The following VIPR1 variants were observed in gnomAD, a reference collection of about 807,000 sequenced individuals.
VIPR1 encodes the protein vasoactive intestinal peptide receptor 1.
A neutral mutation model predicts 58.8 loss-of-function variants in VIPR1; 59 were observed. The ratio of observed to expected loss-of-function variants is 1.00; its 90% confidence interval spans 0.81 to 1.25. The LOEUF is 1.25. Ranked by LOEUF, VIPR1 falls within the 50% of genes most tolerant of loss-of-function variation. The pLI is 0.00. For missense variants in VIPR1, 626 were observed against 602.7 expected (o/e 1.04, Z -0.40); for synonymous variants, 251 against 242.1 (o/e 1.04, Z -0.34).
intron 10 of VIPR1, chr3:42,534,239 G>A (rs114889205): frequency 0.012 from 1,813 of 152,196 alleles, 42 homozygotes; most frequent in African/African-American, 0.041. Flanking sequence ...GATAGAGGGC[G>A]ATACTGATTA....
upstream of VIPR1, chr3:42,500,071 A>C (rs1336598758): frequency 1.3e-5 from 2 of 152,264 alleles, no homozygotes; most frequent in Admixed American, 1.3e-4. Context: ...CCCCAGGAGA[A>C]CAATTCTGAA....
chr3:42,492,732 A>G (rs921852609), intron 1 of VIPR1, among the ~76,000 whole-genome samples: 3 of 152,226 alleles, frequency 2.0e-5, no homozygotes, highest in African/African-American at 7.2e-5. Flanking sequence ...GGAGAAGGGA[A>G]GGACTTCCCT....
At position 42,537,387 on chromosome 3, in the gene VIPR1, C is replaced by A. The variant is rs1701914389; in HGVS notation, c.*1106C>A. On this transcript the variant is annotated 3_prime_UTR_variant, in exon 13 of 13. Transcript: ENST00000325123. ...CCCTGAATCCCCCTTGCCACCCCAC[C>A]CTCCCTGGAGTGTGGCTGAGGAGGC... The A allele has an allele frequency of 6.6e-6, 1 of 152,222 alleles. No individual in the cohort carries two copies. The highest frequency in any genetic ancestry group is 1.5e-5 in the Non-Finnish European group (1 of 68,044). 9.4% of individuals were successfully genotyped at this position (152,222 alleles called of 1,614,324 possible).
intron 7 of VIPR1, 125 bp from the exon 8 acceptor site, chr3:42,531,346 G>C (rs1701537866): frequency 3.9e-6 from 4 of 1,016,138 alleles, no homozygotes; most frequent in Non-Finnish European, 5.9e-6. Context: ...AAAGACAGCA[G>C]ACTGACAACC....
At chr3:42,490,547 C>T (rs1699647631) in intron 1 of VIPR1, among the ~76,000 whole-genome samples, 1 of 152,176 alleles carries the variant, frequency 6.6e-6, no homozygotes. Flanking sequence ...TGGCACCTGG[C>T]CTGGAAGTCC....
intron 1 of VIPR1, among the ~76,000 whole-genome samples, chr3:42,508,536 T>A (rs1700224998): frequency 1.3e-5 from 2 of 152,320 alleles, no homozygotes; most frequent in Middle Eastern, 3.4e-3. Context: ...GTCACATATG[T>A]GTACACCTGT....
chr3:42,508,360 A>G lies in VIPR1; in HGVS notation c.79-5389A>G, dbSNP rs150915839. ...CCAAGTCATCCAGCCAGGAAGCAGC[A>G]GACAGTCTCATTCTGGAACCTGTGG... On this transcript the variant is annotated intron_variant, in intron 1 of 12. Coordinates refer to ENST00000325123, the MANE Select transcript of VIPR1 (RefSeq NM_004624.4). Among the ~76,000 whole-genome samples, 961 of 152,332 alleles carry G rather than the reference A, an allele frequency of 6.3e-3. 9 individuals carry two copies. Among genetic ancestry groups the G allele is most frequent in the African/African-American group, 0.022 (908 of 41,572 alleles).
At chr3:42,526,335 G>A (rs1252577895) in intron 4 of VIPR1, among the ~76,000 whole-genome samples, 1 of 152,226 alleles carries the variant, frequency 6.6e-6, no homozygotes, top group Non-Finnish European at 1.5e-5. Context: ...ATCCAGAGGG[G>A]AAACCGAGTT....
At chr3:42,515,150 G>A (rs914686055) in intron 2 of VIPR1, among the ~76,000 whole-genome samples, 17 of 152,188 alleles carry the variant, frequency 1.1e-4, no homozygotes, top group African/African-American at 3.6e-4. Context: ...GCATCTTTAC[G>A]TCTTCCTGGC....
At chr3:42,498,566 C>T (rs1197616612), upstream of VIPR1, among the ~76,000 whole-genome samples, 1 of 152,178 alleles carries the variant, frequency 6.6e-6, no homozygotes, top group Non-Finnish European at 1.5e-5. Flanking sequence ...GCTCTAAGCC[C>T]CAGCCTCCAG....
rs1477079526 is a variant in VIPR1, at chr3:42,535,104, G to C, written c.1140G>C (p.Gln380His). The C allele has an allele frequency of 6.2e-7, 1 of 1,614,216 alleles. No individual in the cohort carries two copies. Among genetic ancestry groups the C allele is most frequent in the South Asian group, 1.1e-5 (1 of 91,074 alleles). ...MVFELVVGSF[Q>H]GFVVAILYCF... ...TTGAGCTCGTCGTGGGGTCTTTCCA[G>C]GTATGGGCTGTTGACTTAAGGCTGC... is the stretch of plus-strand genomic sequence containing the variant. Residue 380 changes from glutamine (Q) to histidine (H), a missense_variant and splice_region_variant, in exon 11 of 13, where the codon CAG (glutamine) becomes CAC (histidine). Transcript: ENST00000325123.
Position 42,537,266 on chromosome 3 carries a change from G to T in VIPR1, c.*985G>T, listed in dbSNP as rs1441929692. On this transcript the variant is annotated 3_prime_UTR_variant, in exon 13 of 13. Transcript: ENST00000325123. ...GAACTCAGATCTGTCTGATAGGAAT[G>T]TGAAAGCACGGACTCTTACTGCTAA... The T allele has an allele frequency of 6.6e-6, 1 of 152,236 alleles. No individual in the cohort carries two copies. Among genetic ancestry groups the T allele is most frequent in the Non-Finnish European group, 1.5e-5 (1 of 68,042 alleles). The allele number at this position is 152,236 out of a possible 1,614,324, so 9.4% of individuals were successfully genotyped here.
At chr3:42,527,632 C>A in intron 5 of VIPR1, 136 bp downstream of exon 5, 1 of 805,932 alleles carries the variant, frequency 1.2e-6, no homozygotes, top group South Asian at 1.7e-5. Context: ...CCAGCTCCTG[C>A]CAGGCCAGCT....
chr3:42,503,711 T>C (rs1248426825), intron 1 of VIPR1, among the ~76,000 whole-genome samples: 1 of 152,114 alleles, frequency 6.6e-6, no homozygotes, highest in Non-Finnish European at 1.5e-5. Context: ...ATTTTACAGA[T>C]GGGCAAAGCG....
At position 42,536,307 on chromosome 3, in the gene VIPR1, C is replaced by A; in HGVS notation, c.*26C>A. The A allele has an allele frequency of 2.0e-6, 3 of 1,489,108 alleles. No homozygotes were observed. Among genetic ancestry groups the A allele is most frequent in the African/African-American group, 2.8e-5 (2 of 72,298 alleles). The allele number at this position is 1,489,108 out of a possible 1,614,324, so 92.2% of individuals were successfully genotyped here. A position where few individuals can be genotyped will look rare whatever the true frequency, so the allele number is the denominator to read the frequency against. On this transcript the variant is annotated 3_prime_UTR_variant, in exon 13 of 13. Transcript: ENST00000325123. ...CCACCAGGATCCCAGGGGCCCAAGG[C>A]GGCCCCTCCCGCCCCTTCCCACTCA... is the stretch of plus-strand genomic sequence containing the variant.
rs1364663723 is a variant in VIPR1 at position 42,530,773 on chromosome 3, C to A, written c.637-6C>A. ...GTGAACCCCGTCTTTTCTCCTCCCC[C>A]TGCAGGTGGGCTGTAAGGCAGCCAT... On this transcript the variant is annotated splice_polypyrimidine_tract_variant and splice_region_variant and intron_variant, in intron 6 of 12. Transcript: ENST00000325123. 1 of 1,613,758 alleles carries A rather than the reference C, an allele frequency of 6.2e-7. No homozygotes were observed. The highest frequency in any genetic ancestry group is 1.1e-5 in the South Asian group (1 of 91,064).
At chr3:42,515,792 C>G (rs1383657042) in intron 2 of VIPR1, among the ~76,000 whole-genome samples, 3 of 152,158 alleles carry the variant, frequency 2.0e-5, no homozygotes, top group African/African-American at 7.2e-5. Context: ...CTTTGTGAGT[C>G]AGAAGTGTGT....
intron 3 of VIPR1, among the ~76,000 whole-genome samples, chr3:42,524,476 C>T (rs575775538): frequency 5.9e-5 from 9 of 152,332 alleles, no homozygotes; most frequent in Admixed American, 1.3e-4. Flanking sequence ...CTGGGCCATG[C>T]GGTGGAAATA....
intron 2 of VIPR1, among the ~76,000 whole-genome samples, chr3:42,515,093 C>T (rs983424855): frequency 1.3e-5 from 2 of 152,192 alleles, no homozygotes; most frequent in African/African-American, 4.8e-5. Context: ...GCCATCTCCC[C>T]GCGGCTGAGC....
Sources: allele counts gnomAD v4.1 joint callset (sites outside exome capture counted in the v4.1 genomes callset), GRCh38; gene constraint gnomAD v4.1.1; transcripts MANE v1.5; gene names NCBI Gene and HGNC (gene_info 2026-07-23, HGNC 2026-07-21).